Variants in PKHD1 observed in about 807,000 individuals in gnomAD.
The protein encoded by PKHD1 is fibrocystin.
In PKHD1, 291 loss-of-function variants were observed where a neutral mutation model predicts 412.0. The observed-to-expected ratio is 0.71, with a 90% CI of 0.64 to 0.78. PKHD1 has a LOEUF of 0.78. Ranked by LOEUF, PKHD1 falls within the 30% of genes least tolerant of loss-of-function variation. The pLI is 0.00. For synonymous variants in PKHD1, 1,777 were observed against 1,821.5 expected (o/e 0.98, Z 0.62); for missense variants, 4,825 against 4,950.7 (o/e 0.97, Z 0.76).
intron 60 of PKHD1, among the ~76,000 whole-genome samples, chr6:51,671,599 G>A (rs921590009): frequency 1.8e-4 from 28 of 152,032 alleles, no homozygotes; most frequent in Admixed American, 3.9e-4. Flanking sequence ...GAGGAACTGC[G>A]TTCCTTTGGA....
chr6:51,859,323 G>C (rs760616227), intron 48 of PKHD1, among the ~76,000 whole-genome samples: 63 of 151,822 alleles, frequency 4.1e-4, no homozygotes, highest in Non-Finnish European at 8.2e-4. Context: ...TCAGGAGATC[G>C]AGACCATCCT....
At chr6:51,671,321 G>A (rs140012357) in intron 60 of PKHD1, among the ~76,000 whole-genome samples, 2,182 of 152,144 alleles carry the variant, frequency 0.014, 52 homozygotes, top group African/African-American at 0.049. Context: ...CTGATACCCT[G>A]TCTTCCAGTT....
At chr6:51,737,729 T>A (rs201358248) in intron 60 of PKHD1, among the ~76,000 whole-genome samples, 1 of 68,436 alleles carries the variant, frequency 1.5e-5, no homozygotes, top group Non-Finnish European at 2.6e-5. Flanking sequence ...TGTGTGTGAG[T>A]GTGTGTGTGT....
At chr6:51,800,370 G>A (rs1191969616) in intron 52 of PKHD1, among the ~76,000 whole-genome samples, 1 of 151,956 alleles carries the variant, frequency 6.6e-6, no homozygotes, top group Admixed American at 6.6e-5. Flanking sequence ...ATTTATCCCT[G>A]CACCAAATGC....
chr6:52,032,319 A>T (rs1002799236), intron 29 of PKHD1, among the ~76,000 whole-genome samples: 15 of 152,198 alleles, frequency 9.9e-5, no homozygotes, highest in Non-Finnish European at 1.5e-4. Context: ...AAGGGAAGTT[A>T]CCTGCTACTC....
intron 37 of PKHD1, among the ~76,000 whole-genome samples, chr6:51,914,303 A>C (rs1338677455): frequency 6.6e-6 from 1 of 152,150 alleles, no homozygotes; most frequent in Non-Finnish European, 1.5e-5. Context: ...AACTATTAAC[A>C]AAAAAGTTAC....
intron 48 of PKHD1, among the ~76,000 whole-genome samples, chr6:51,856,683 T>G (rs552352867): frequency 6.6e-6 from 1 of 152,166 alleles, no homozygotes; most frequent in East Asian, 1.9e-4. Context: ...TCTAGAATGA[T>G]GAGGTAACCT....
chr6:51,715,601 G>T (rs1251752809), intron 60 of PKHD1, among the ~76,000 whole-genome samples: 2 of 152,068 alleles, frequency 1.3e-5, no homozygotes, highest in African/African-American at 4.8e-5. Context: ...AATGGGTTTT[G>T]GTCTTTTTGA....
chr6:52,002,657 G>C (rs558900340), intron 35 of PKHD1, among the ~76,000 whole-genome samples: 6 of 152,018 alleles, frequency 3.9e-5, no homozygotes, highest in African/African-American at 1.4e-4. Flanking sequence ...ACACTAAGTG[G>C]GTCTAAAAGG....
In PKHD1 at chr6:52,000,292, T is replaced by G. The variant is rs1195839245; in HGVS notation, c.5751+10017A>C. On this transcript the variant is annotated intron_variant, in intron 35 of 66. Coordinates refer to ENST00000371117, the MANE Select transcript of PKHD1 (RefSeq NM_138694.4). Reference sequence around the variant, plus strand: ...GGTTCTTCAATTACCAAGCCTCACCTCCCCTGTAGAATCCAAAGAATCCCC... The same window carrying G: ...GGTTCTTCAATTACCAAGCCTCACCGCCCCTGTAGAATCCAAAGAATCCCC... Among the ~76,000 whole-genome samples the G allele has an allele frequency of 2.6e-5, 4 of 152,046 alleles. No homozygotes were observed. The East Asian group carries it at 7.7e-4, about 29-fold the overall frequency.
chr6:51,771,095 T>C (rs890078905), intron 55 of PKHD1, among the ~76,000 whole-genome samples: 3 of 144,248 alleles, frequency 2.1e-5, no homozygotes, highest in Non-Finnish European at 1.5e-5. Flanking sequence ...GCTCCCATAA[T>C]TGTGTAAATC....
chr6:51,771,158 C>G (rs997872303), intron 55 of PKHD1, among the ~76,000 whole-genome samples: 6 of 151,608 alleles, frequency 4.0e-5, no homozygotes, highest in Non-Finnish European at 8.8e-5. Context: ...TTAATATTTA[C>G]TATACCTATT....
chr6:51,632,830 G>A, intron 64 of PKHD1, 107 bp from the exon 65 acceptor site: 1 of 763,988 alleles, frequency 1.3e-6, no homozygotes, highest in Non-Finnish European at 2.2e-6. Flanking sequence ...GGATATAGTA[G>A]GTGTTCAATA....
intron 61 of PKHD1, among the ~76,000 whole-genome samples, chr6:51,651,805 G>A (rs773187696): frequency 6.6e-6 from 1 of 152,124 alleles, no homozygotes; most frequent in Non-Finnish European, 1.5e-5. Context: ...TAATCTAGGC[G>A]TTATTGGGTG....
intron 61 of PKHD1, among the ~76,000 whole-genome samples, chr6:51,657,539 C>A (rs1010597989): frequency 2.2e-4 from 32 of 145,838 alleles, no homozygotes; most frequent in African/African-American, 6.6e-4. Context: ...CATTCCAACA[C>A]AAAATCAATG....
intron 35 of PKHD1, among the ~76,000 whole-genome samples, chr6:51,966,892 A>T (rs1326382594): frequency 6.6e-6 from 1 of 150,564 alleles, no homozygotes; most frequent in East Asian, 1.9e-4. Flanking sequence ...CTCTGATTGG[A>T]TTGGATTGGA....
chr6:52,085,552 C>A (rs1417623789), intron 1 of PKHD1, among the ~76,000 whole-genome samples: 2 of 152,200 alleles, frequency 1.3e-5, no homozygotes, highest in African/African-American at 2.4e-5. Flanking sequence ...TGGTGCTGCT[C>A]AGGAGCCCCT....
rs563109328 is a variant in PKHD1 at position 51,941,400 on chromosome 6, C to T, written c.5909-7078G>A. Reference sequence around the variant, plus strand: ...CCTCCCGAGTAGCTGGGACTACAGGCGCCCGCCACCGCGCCCGGCTAATTT... The same window carrying T: ...CCTCCCGAGTAGCTGGGACTACAGGTGCCCGCCACCGCGCCCGGCTAATTT... On this transcript the variant is annotated intron_variant, in intron 36 of 66. Coordinates refer to ENST00000371117, the MANE Select transcript of PKHD1 (RefSeq NM_138694.4). Among the ~76,000 whole-genome samples, 35 of 149,502 alleles carry T rather than the reference C, an allele frequency of 2.3e-4. 2 individuals carry two copies. The highest frequency in any genetic ancestry group is 5.4e-4 in the African/African-American group (22 of 41,040).
intron 52 of PKHD1, among the ~76,000 whole-genome samples, chr6:51,807,483 A>ATGTG (rs1323501426): frequency 6.6e-5 from 6 of 90,326 alleles, no homozygotes; most frequent in East Asian, 2.9e-4. Context: ...ATATATATGT[A>ATGTG]TATGTGTGTG....
Sources: gnomAD v4.1 joint callset for allele counts (sites outside exome capture counted in the v4.1 genomes callset) on GRCh38, gnomAD v4.1.1 for gene constraint, MANE v1.5 for transcripts, NCBI Gene and HGNC (gene_info 2026-07-23, HGNC 2026-07-21) for gene names.